LGSN: variants seen among roughly 807,000 people sequenced by gnomAD.
The protein encoded by LGSN is lengsin.
A neutral mutation model predicts 19.5 loss-of-function variants in LGSN; 21 were observed. That is an observed-to-expected ratio of 1.07 (90% CI 0.76 to 1.55). The LOEUF (loss-of-function observed/expected upper bound fraction) is 1.55. Ranked by LOEUF, LGSN falls within the 40% of genes most tolerant of loss-of-function variation. The pLI is 0.00. For missense variants in LGSN, 673 were observed against 608.5 expected (o/e 1.11, Z -1.12); for synonymous variants, 257 against 215.6 (o/e 1.19, Z -1.68).
At chr6:63,529,093 ATATATATATGTGTGTATATATATATATG>A in the LGSN span, among the ~76,000 whole-genome samples, 1 of 141,772 alleles carries the variant, frequency 7.1e-6, no homozygotes, top group Non-Finnish European at 1.5e-5. Flanking sequence ...CCATCTCAAA[ATATATATATGTGTGTATATATATATATG>A]TATATATATG....
the LGSN span, among the ~76,000 whole-genome samples, chr6:63,539,001 T>C: frequency 1.3e-5 from 2 of 152,328 alleles, no homozygotes; most frequent in Middle Eastern, 6.8e-3. Flanking sequence ...GAAGCAATTC[T>C]CCTGCCTCAG....
chr6:63,310,296 A>G (rs987547274), intron 1 of LGSN, among the ~76,000 whole-genome samples: 10 of 152,216 alleles, frequency 6.6e-5, no homozygotes, highest in African/African-American at 2.4e-4. Flanking sequence ...GAAGGGCTAC[A>G]AAAGGTGACC....
intron 2 of LGSN, among the ~76,000 whole-genome samples, chr6:63,292,419 T>C (rs1767809148): frequency 6.6e-6 from 1 of 152,226 alleles, no homozygotes; most frequent in Non-Finnish European, 1.5e-5. Context: ...CCCTGGGAGA[T>C]AATCTCCAAG....
chr6:63,532,833 G>GA, the LGSN span, among the ~76,000 whole-genome samples: 23 of 150,168 alleles, frequency 1.5e-4, no homozygotes, highest in Non-Finnish European at 2.7e-4. Context: ...ATATCGTCTG[G>GA]AAAAAAAAAT....
the LGSN span, among the ~76,000 whole-genome samples, chr6:63,557,828 T>C: frequency 6.6e-6 from 1 of 152,072 alleles, no homozygotes; most frequent in Non-Finnish European, 1.5e-5. Flanking sequence ...GTAGGATCAT[T>C]GGAGGATTTT....
the LGSN span, among the ~76,000 whole-genome samples, chr6:63,412,698 A>AG: frequency 1.2e-3 from 155 of 127,318 alleles, 2 homozygotes; most frequent in African/African-American, 5.2e-3. Context: ...AGAGAAAGAA[A>AG]GAAAGAAAGA....
chr6:63,560,354 AAAAG>A, the LGSN span, among the ~76,000 whole-genome samples: 14 of 149,842 alleles, frequency 9.3e-5, no homozygotes, highest in East Asian at 1.9e-3. Context: ...AAAAAAAAAA[AAAAG>A]AAAGAAAGAA....
At chr6:63,457,282 A>T in the LGSN span, among the ~76,000 whole-genome samples, 1 of 151,984 alleles carries the variant, frequency 6.6e-6, no homozygotes, top group Non-Finnish European at 1.5e-5. Context: ...AGGCGGGTGG[A>T]TCACTTGAGG....
At chr6:63,437,166 G>A in the LGSN span, among the ~76,000 whole-genome samples, 2 of 147,206 alleles carry the variant, frequency 1.4e-5, no homozygotes, top group South Asian at 2.2e-4. Flanking sequence ...AAGGGAGGGA[G>A]GGAGGGAAGG....
chr6:63,434,052 G>C, the LGSN span, among the ~76,000 whole-genome samples: 2 of 152,104 alleles, frequency 1.3e-5, no homozygotes, highest in African/African-American at 4.8e-5. Flanking sequence ...GAACAACTAG[G>C]AACCATTACC....
the LGSN span, among the ~76,000 whole-genome samples, chr6:63,463,124 A>G: frequency 1.3e-5 from 2 of 152,192 alleles, no homozygotes; most frequent in South Asian, 4.1e-4. Flanking sequence ...CTAGTTGTGT[A>G]ACGTTGGCAA....
At chr6:63,383,744 T>C in the LGSN span, among the ~76,000 whole-genome samples, 1 of 152,192 alleles carries the variant, frequency 6.6e-6, no homozygotes, top group Non-Finnish European at 1.5e-5. Flanking sequence ...ACTTTTTCAC[T>C]GAGTTGTCTT....
At chr6:63,426,585 G>A in the LGSN span, among the ~76,000 whole-genome samples, 2 of 152,136 alleles carry the variant, frequency 1.3e-5, no homozygotes, top group Admixed American at 1.3e-4. Context: ...CACAATCCCA[G>A]CTCACTGCAA....
At position 63,280,965 on chromosome 6, in the gene LGSN, G is replaced by A; in HGVS notation, c.586C>T (p.Gln196Ter). 2.5e-6 allele frequency: 4 copies of A among 1,614,126 alleles called. No individual in the cohort carries two copies. Among genetic ancestry groups the A allele is most frequent in the Non-Finnish European group, 3.4e-6 (4 of 1,180,028 alleles). The change falls in exon 4 of 4, where the codon CAG (glutamine) becomes TAG (stop). Residue 196 changes from glutamine to a stop codon, truncating the protein, a stop_gained. Coordinates refer to ENST00000370657, the MANE Select transcript of LGSN (RefSeq NM_016571.3). LOFTEE classifies it low-confidence loss of function (END_TRUNC). The part of the protein sequence containing the change: ...YIAKRQLSHL[Q>*]ASGFSLLSAF... ...GAAAGCAGGGAAAAGCCAGAGGCCT[G>A]CAGATGGCTCAGCTGCCTCTTTGCA...
the LGSN span, chr6:63,528,052 G>A: frequency 2.0e-5 from 3 of 152,184 alleles, no homozygotes; most frequent in Non-Finnish European, 4.4e-5. Flanking sequence ...CCAAGAGCAT[G>A]GCTATGGGAG....
rs554677490 is a variant in LGSN, at chr6:63,312,773, G to A, written c.30+7141C>T. 7.2e-5 allele frequency among the ~76,000 whole-genome samples: 11 copies of A among 152,216 alleles called. No homozygotes were observed. In the East Asian group the frequency reaches 1.9e-3, roughly 27 times the overall value. On this transcript the variant is annotated intron_variant, in intron 1 of 3. Transcript: ENST00000370657. ...ACTAGGAGAATAGCTCTGGAGAAGC[G>A]GGCGAAATGAGCATAGTGCAGACAT...
the LGSN span, among the ~76,000 whole-genome samples, chr6:63,487,264 C>G: frequency 1.3e-5 from 2 of 152,122 alleles, no homozygotes; most frequent in African/African-American, 4.8e-5. Context: ...GCTACCACAC[C>G]CGGCCTGTCT....
the LGSN span, among the ~76,000 whole-genome samples, chr6:63,343,756 C>T: frequency 3.0e-3 from 450 of 152,306 alleles, 3 homozygotes; most frequent in African/African-American, 0.01. Context: ...AAATCCCAAA[C>T]CACTGATTTT....
the LGSN span, chr6:63,441,306 G>T: frequency 1.1e-5 from 5 of 462,612 alleles, no homozygotes; most frequent in Non-Finnish European, 2.2e-5. Flanking sequence ...GCACCCACCA[G>T]CAGACTTGGG....
Sources: gnomAD v4.1 joint callset for allele counts (sites outside exome capture counted in the v4.1 genomes callset) on GRCh38, gnomAD v4.1.1 for gene constraint, MANE v1.5 for transcripts, NCBI Gene and HGNC (gene_info 2026-07-23, HGNC 2026-07-21) for gene names.